Variants in RAB40A observed in about 807,000 individuals in gnomAD.
RAB40A encodes the protein ras-related protein Rab-40A.
For synonymous variants in RAB40A, 65 were observed against 99.9 expected (o/e 0.65, Z 2.08); for missense variants, 145 against 230.2 (o/e 0.63, Z 2.40).
intron 2 of RAB40A, among the ~76,000 whole-genome samples, chrX:103,505,416 A>AT (rs1355522998): frequency 8.9e-6 from 1 of 111,876 alleles, no homozygotes; most frequent in Non-Finnish European, 1.9e-5. Flanking sequence ...TTTAGCAGAT[A>AT]TTGCCAAATG....
At chrX:103,494,968 A>T (rs888435245), downstream of RAB40A, among the ~76,000 whole-genome samples, 1 of 111,931 alleles carries the variant, frequency 8.9e-6, no homozygotes, top group African/African-American at 3.2e-5. Context: ...TGGTATTTTG[A>T]TAGGGATTGT....
chrX:103,511,526 G>A (rs1184034305), intron 2 of RAB40A, among the ~76,000 whole-genome samples: 1 of 109,243 alleles, frequency 9.2e-6, no homozygotes, highest in Non-Finnish European at 1.9e-5. Context: ...AAAAAAAAAG[G>A]ATGAGTTCAT....
At chrX:103,502,874 A>G (rs759922648) in intron 2 of RAB40A, 1 of 763,553 alleles carries the variant, frequency 1.3e-6, no homozygotes, top group Non-Finnish European at 1.6e-6. Flanking sequence ...TGTTGAGAGT[A>G]TACGGCATGA....
chrX:103,500,010 G>C lies in RAB40A; in HGVS notation c.747C>G (p.His249Gln), dbSNP rs1177657701. ...TCTCCACTTTGCAGAGGCTGCTCTT[G>C]TGAGTGGAGCTGGTGGTGAGGGAGT... Reference protein sequence around the residue: ...LSYSLTTSSTHKSSLCKVEIV... With the variant: ...LSYSLTTSSTQKSSLCKVEIV... The change falls in exon 3 of 3, where the codon CAC (histidine) becomes CAG (glutamine). Residue 249 changes from histidine (H) to glutamine (Q), a missense_variant. By Grantham distance (24) the His-to-Gln change is conservative. Transcript: ENST00000304236. 1 of 1,206,950 alleles carries C rather than the reference G, an allele frequency of 8.3e-7. No individual in the cohort carries two copies. The highest frequency in any genetic ancestry group is 1.7e-5 in the African/African-American group (1 of 57,290).
intron 2 of RAB40A, chrX:103,501,962 A>G (rs2073230593): frequency 8.1e-6 from 1 of 123,439 alleles, no homozygotes; most frequent in Non-Finnish European, 1.9e-5. Context: ...TTGTAACTAC[A>G]ACAGGTACAA....
chrX:103,506,991 G>A (rs1042103230), intron 2 of RAB40A, among the ~76,000 whole-genome samples: 31 of 111,091 alleles, frequency 2.8e-4, no homozygotes, highest in Admixed American at 2.4e-3. Flanking sequence ...CGTGTGCCAC[G>A]GTGGTTTGCT....
At chrX:103,508,058 A>G (rs779516775) in intron 2 of RAB40A, among the ~76,000 whole-genome samples, 1 of 112,904 alleles carries the variant, frequency 8.9e-6, no homozygotes, top group East Asian at 2.8e-4. Context: ...AATCAGGGAT[A>G]CTAACCCAAT....
intron 2 of RAB40A, among the ~76,000 whole-genome samples, chrX:103,514,176 C>T (rs1467095531): frequency 9.0e-6 from 1 of 111,208 alleles, no homozygotes. Flanking sequence ...CTTCCTTTCT[C>T]CTTTCCGTCA....
chrX:103,493,726 C>T, the RAB40A span, among the ~76,000 whole-genome samples: 1 of 112,050 alleles, frequency 8.9e-6, no homozygotes, highest in Admixed American at 9.5e-5. Flanking sequence ...AACATAATGA[C>T]TTCCAGTTCC....
At position 103,500,356 on chromosome X, in the gene RAB40A, C is replaced by T. The variant is rs2073217504; in HGVS notation, c.401G>A (p.Arg134Lys). Residue 134 changes from arginine (R) to lysine (K), a missense_variant, in exon 3 of 3, where the codon AGG (arginine) becomes AAG (lysine). Physicochemically the swap from Arg to Lys is conservative, Grantham distance 26. Transcript: ENST00000304236. Reference sequence around the variant, plus strand: ...CTGGGCCTGCTCCCTGGGCACCTGCCTCTTGAATGCCAGATGTAGGCGATT... The same window carrying T: ...CTGGGCCTGCTCCCTGGGCACCTGCTTCTTGAATGCCAGATGTAGGCGATT... ...VGNRLHLAFKRQVPREQAQAY... is the reference protein window; with the variant it reads ...VGNRLHLAFKKQVPREQAQAY... 2 of 1,209,884 alleles carry T rather than the reference C, an allele frequency of 1.7e-6. No individual in the cohort carries two copies. Among genetic ancestry groups the T allele is most frequent in the South Asian group, 1.8e-5 (1 of 56,811 alleles).
rs1456977807 is a variant in RAB40A at position 103,500,720 on chromosome X, A to C, written c.37T>G (p.Phe13Val). 7 of 1,209,506 alleles carry C rather than the reference A, an allele frequency of 5.8e-6. No homozygotes were observed. The highest frequency in any genetic ancestry group is 1.8e-5 in the African/African-American group (1 of 56,976). The change falls in exon 3 of 3, where the codon TTC becomes GTC. Residue 13 changes from phenylalanine to valine, a missense_variant. Coordinates refer to ENST00000304236, the MANE Select transcript of RAB40A (RefSeq NM_080879.3). ...APGSPDQAYD[F>V]LLKFLLVGDR... Reference sequence around the variant, plus strand: ...CCCACCAGCAGGAACTTGAGCAGGAAGTCATAGGCCTGGTCGGGGCTGCCC... The same window carrying C: ...CCCACCAGCAGGAACTTGAGCAGGACGTCATAGGCCTGGTCGGGGCTGCCC...
At chrX:103,504,312 C>G (rs758121768) in intron 2 of RAB40A, among the ~76,000 whole-genome samples, 133 of 110,536 alleles carry the variant, frequency 1.2e-3, no homozygotes, top group African/African-American at 4.2e-3. Context: ...TGCACATGTA[C>G]CCCCTGGATC....
intron 1 of RAB40A, among the ~76,000 whole-genome samples, chrX:103,517,946 T>C (rs2073324465): frequency 8.9e-6 from 1 of 111,992 alleles, no homozygotes; most frequent in South Asian, 3.7e-4. Context: ...CAGAAAAATG[T>C]GTAGAGCTGC....
rs764812559 is a variant in RAB40A at position 103,500,438 on chromosome X, G to A, written c.319C>T (p.Arg107Ter). Residue 107 changes from arginine to a stop codon, truncating the protein, a stop_gained, in exon 3 of 3, where the codon CGA becomes TGA. Coordinates refer to ENST00000304236, the MANE Select transcript of RAB40A (RefSeq NM_080879.3). LOFTEE classifies it low-confidence loss of function (END_TRUNC). ...TGTTCCTCAATCTTCTTAATCCATC[G>A]ATCCATACCCTCGAAAGACCAGCGG... ...ANRWSFEGMD[R>*]WIKKIEEHAP... The A allele has an allele frequency of 5.8e-6, 7 of 1,210,396 alleles. No homozygotes were observed. Among genetic ancestry groups the A allele is most frequent in the Non-Finnish European group, 7.8e-6 (7 of 894,810 alleles).
chrX:103,498,281 G>A (rs371527758), downstream of RAB40A, among the ~76,000 whole-genome samples: 2 of 112,218 alleles, frequency 1.8e-5, no homozygotes, highest in East Asian at 2.8e-4. Flanking sequence ...TACAGGAACT[G>A]TCTGCGGACT....
chrX:103,509,289 A>ATCTCTCTC (rs373450734), intron 2 of RAB40A, among the ~76,000 whole-genome samples: 18 of 86,101 alleles, frequency 2.1e-4, no homozygotes, highest in African/African-American at 6.8e-4. Context: ...CAGCCACAGG[A>ATCTCTCTC]TCTCTCTCTC....
intron 2 of RAB40A, among the ~76,000 whole-genome samples, chrX:103,516,998 T>TG (rs1569378118): frequency 9.0e-6 from 1 of 111,418 alleles, no homozygotes; most frequent in Non-Finnish European, 1.9e-5. Flanking sequence ...ATGCCATACT[T>TG]GCAGCATCTT....
At chrX:103,510,391 A>C (rs188285922) in intron 2 of RAB40A, among the ~76,000 whole-genome samples, 1 of 112,371 alleles carries the variant, frequency 8.9e-6, no homozygotes, top group Non-Finnish European at 1.9e-5. Flanking sequence ...AACATATTTT[A>C]GACATTTTTA....
chrX:103,499,847 A>G lies in RAB40A; in HGVS notation c.*76T>C, dbSNP rs2073211500. ...TGAAAACTAATTTCTTGAATCTACA[A>G]TGCGACTTCCATCTTCCAGGTGTAA... On this transcript the variant is annotated 3_prime_UTR_variant, in exon 3 of 3. Transcript: ENST00000304236. The G allele has an allele frequency of 7.9e-6, 9 of 1,135,635 alleles. No individual in the cohort carries two copies. Among genetic ancestry groups the G allele is most frequent in the Non-Finnish European group, 9.7e-6 (8 of 827,595 alleles). 93.6% of individuals were successfully genotyped at this position (1,135,635 alleles called of 1,213,427 possible). A position where few individuals can be genotyped will look rare whatever the true frequency, so the allele number is the denominator to read the frequency against.
Sources: allele counts gnomAD v4.1 joint callset (sites outside exome capture counted in the v4.1 genomes callset), GRCh38; gene constraint gnomAD v4.1.1; transcripts MANE v1.5; gene names NCBI Gene and HGNC (gene_info 2026-07-23, HGNC 2026-07-21).